ROBO2: variants seen among roughly 807,000 people sequenced by gnomAD.
ROBO2 encodes the protein roundabout guidance receptor 2.
A neutral mutation model predicts 160.8 loss-of-function variants in ROBO2; 53 were observed. The observed-to-expected ratio is 0.33, with a 90% CI of 0.26 to 0.41. The LOEUF (loss-of-function observed/expected upper bound fraction) is 0.41. ROBO2 is among the 10% of genes least tolerant of loss of function. The pLI is 1.00. For missense variants in ROBO2, 1,577 were observed against 1,722.4 expected (o/e 0.92, Z 1.49); for synonymous variants, 664 against 611.7 (o/e 1.09, Z -1.26).
At chr3:77,168,227 C>T (rs993934327) in intron 2 of ROBO2, among the ~76,000 whole-genome samples, 7 of 152,166 alleles carry the variant, frequency 4.6e-5, no homozygotes, top group Non-Finnish European at 7.3e-5. Flanking sequence ...AAATACATGA[C>T]GAAGTCAGTG....
At chr3:76,522,932 A>G (rs1390382393) in intron 2 of ROBO2, among the ~76,000 whole-genome samples, 3 of 150,350 alleles carry the variant, frequency 2.0e-5, no homozygotes, top group Non-Finnish European at 4.4e-5. Context: ...ATAGATATAG[A>G]TAGCTGTATA....
intron 2 of ROBO2, among the ~76,000 whole-genome samples, chr3:76,326,592 G>T (rs140368981): frequency 1.3e-5 from 2 of 151,638 alleles, no homozygotes; most frequent in African/African-American, 4.9e-5. Context: ...TTCATATGCA[G>T]AATTATTATC....
At chr3:76,932,769 C>G (rs2077432299) in intron 2 of ROBO2, among the ~76,000 whole-genome samples, 1 of 152,104 alleles carries the variant, frequency 6.6e-6, no homozygotes. Context: ...TTCACATGTT[C>G]ACTACCAACA....
chr3:77,169,885 G>C (rs1168755656), intron 2 of ROBO2, among the ~76,000 whole-genome samples: 1 of 152,190 alleles, frequency 6.6e-6, no homozygotes, highest in Admixed American at 6.5e-5. Context: ...CCTCCCCACT[G>C]TGGTCGTCCT....
At chr3:76,458,811 A>C (rs757594827) in intron 2 of ROBO2, among the ~76,000 whole-genome samples, 2 of 152,164 alleles carry the variant, frequency 1.3e-5, no homozygotes, top group Non-Finnish European at 2.9e-5. Context: ...TAGTAGACCC[A>C]TCAGATCTCA....
intron 1 of ROBO2, among the ~76,000 whole-genome samples, chr3:77,074,244 G>A (rs1559952572): frequency 6.6e-6 from 1 of 152,150 alleles, no homozygotes; most frequent in Non-Finnish European, 1.5e-5. Context: ...TTTCCACACT[G>A]ATAGGGCTAC....
At chr3:77,580,822 T>G (rs2093899288) in intron 16 of ROBO2, among the ~76,000 whole-genome samples, 1 of 152,192 alleles carries the variant, frequency 6.6e-6, no homozygotes, top group South Asian at 2.1e-4. Context: ...GAATGAATAT[T>G]ACTGTGTAAA....
chr3:76,244,170 T>G (rs1705476016), intron 2 of ROBO2, among the ~76,000 whole-genome samples: 1 of 152,244 alleles, frequency 6.6e-6, no homozygotes, highest in Non-Finnish European at 1.5e-5. Context: ...AGAGATTCAA[T>G]GTACACAGCC....
intron 2 of ROBO2, among the ~76,000 whole-genome samples, chr3:77,134,065 A>G (rs2076079178): frequency 1.3e-5 from 2 of 152,026 alleles, no homozygotes; most frequent in African/African-American, 2.4e-5. Flanking sequence ...AATCCCAACT[A>G]CTCGAGAGGC....
chr3:77,125,346 A>C (rs770498392), intron 2 of ROBO2, among the ~76,000 whole-genome samples: 30 of 152,116 alleles, frequency 2.0e-4, no homozygotes, highest in Admixed American at 4.6e-4. Flanking sequence ...TTGAAGCATA[A>C]ATCACTACAA....
intron 8 of ROBO2, among the ~76,000 whole-genome samples, chr3:77,554,211 T>C (rs539422230): frequency 8.4e-4 from 128 of 152,074 alleles, no homozygotes; most frequent in Middle Eastern, 6.8e-3. Context: ...CTTTACAGCA[T>C]GGTTTACCTA....
intron 2 of ROBO2, among the ~76,000 whole-genome samples, chr3:77,344,800 A>G (rs1222444584): frequency 6.6e-6 from 1 of 152,114 alleles, no homozygotes; most frequent in Non-Finnish European, 1.5e-5. Flanking sequence ...ATTTTCTCTC[A>G]TTTTATGTAC....
intron 2 of ROBO2, among the ~76,000 whole-genome samples, chr3:76,197,630 C>T (rs973795642): frequency 6.6e-6 from 1 of 152,014 alleles, no homozygotes; most frequent in Non-Finnish European, 1.5e-5. Context: ...TGTTTATTTT[C>T]CTAAGTAGTG....
chr3:77,345,272 T>C (rs2067507566), intron 2 of ROBO2, among the ~76,000 whole-genome samples: 2 of 152,102 alleles, frequency 1.3e-5, no homozygotes. Flanking sequence ...TGCTTGTATG[T>C]CCTTAAAATA....
intron 2 of ROBO2, among the ~76,000 whole-genome samples, chr3:77,225,613 G>C (rs796717778): frequency 1.2e-4 from 18 of 151,902 alleles, no homozygotes; most frequent in African/African-American, 4.1e-4. Context: ...GGTCATTTTT[G>C]ATTAACCTGA....
intron 2 of ROBO2, among the ~76,000 whole-genome samples, chr3:77,287,324 T>C (rs2060678309): frequency 6.6e-6 from 1 of 152,178 alleles, no homozygotes; most frequent in Non-Finnish European, 1.5e-5. Context: ...TAACATCGTT[T>C]ATCTTTCAAA....
intron 2 of ROBO2, chr3:76,434,795 G>C: frequency 7.4e-7 from 1 of 1,350,220 alleles, no homozygotes. Context: ...ATCAGGGGGA[G>C]AGCATCACAC....
At chr3:77,533,466 G>A (rs1023541179) in intron 6 of ROBO2, among the ~76,000 whole-genome samples, 8 of 152,166 alleles carry the variant, frequency 5.3e-5, no homozygotes, top group Admixed American at 5.2e-4. Flanking sequence ...CTCTCCTCCG[G>A]AGACTGTCCA....
intron 2 of ROBO2, among the ~76,000 whole-genome samples, chr3:77,394,761 T>TA (rs2075102611): frequency 8.8e-6 from 1 of 113,168 alleles, no homozygotes; most frequent in African/African-American, 8.2e-5. Flanking sequence ...TCATCATAGC[T>TA]TTTTTAGCCT....
Sources: gnomAD v4.1 joint callset for allele counts (sites outside exome capture counted in the v4.1 genomes callset) on GRCh38, gnomAD v4.1.1 for gene constraint, MANE v1.5 for transcripts, NCBI Gene and HGNC (gene_info 2026-07-23, HGNC 2026-07-21) for gene names.